Variants in CFAP299 observed in about 807,000 individuals in gnomAD.
CFAP299 encodes cilia- and flagella-associated protein 299.
A neutral mutation model predicts 27.0 loss-of-function variants in CFAP299; 21 were observed. The ratio of observed to expected loss-of-function variants is 0.78; its 90% confidence interval spans 0.55 to 1.12. The LOEUF (loss-of-function observed/expected upper bound fraction) is 1.12, where lower values mean the gene tolerates loss of function less well. Among genes scored for constraint, CFAP299 ranks in the 50% most tolerant of loss-of-function variants. The pLI is 0.00. For synonymous variants in CFAP299, 104 were observed against 98.1 expected (o/e 1.06, Z -0.36); for missense variants, 310 against 276.6 (o/e 1.12, Z -0.86).
intron 3 of CFAP299, among the ~76,000 whole-genome samples, chr4:80,799,815 A>AT (rs1215183651): frequency 5.3e-5 from 2 of 37,718 alleles, no homozygotes; most frequent in Non-Finnish European, 8.4e-5. Context: ...ATATAAATAT[A>AT]TATATTATAT....
intron 3 of CFAP299, among the ~76,000 whole-genome samples, chr4:80,792,579 T>C (rs141283984): frequency 8.5e-5 from 13 of 152,248 alleles, no homozygotes; most frequent in African/African-American, 2.6e-4. Context: ...TTATTTTTTA[T>C]AGTGGTTGTG....
At chr4:80,709,769 G>A (rs1026008249) in intron 3 of CFAP299, among the ~76,000 whole-genome samples, 5 of 152,176 alleles carry the variant, frequency 3.3e-5, no homozygotes, top group Admixed American at 1.3e-4. Flanking sequence ...ACCTGGGGAC[G>A]TTACTTCAAC....
chr4:80,384,748 A>G (rs1578380451), intron 2 of CFAP299, among the ~76,000 whole-genome samples: 1 of 152,102 alleles, frequency 6.6e-6, no homozygotes, highest in Non-Finnish European at 1.5e-5. Context: ...AACAAAGTTG[A>G]TATCAGCTCC....
chr4:80,683,535 A>G (rs1313458112), intron 3 of CFAP299, among the ~76,000 whole-genome samples: 1 of 152,200 alleles, frequency 6.6e-6, no homozygotes, highest in Non-Finnish European at 1.5e-5. Context: ...TTATGGATCC[A>G]TTGATGACAA....
At chr4:80,374,542 C>A (rs549817622) in intron 2 of CFAP299, among the ~76,000 whole-genome samples, 1 of 152,256 alleles carries the variant, frequency 6.6e-6, no homozygotes, top group South Asian at 2.1e-4. Flanking sequence ...ATTTAGAGAT[C>A]TGGAAAGGTC....
chr4:80,708,050 C>T (rs1209530619), intron 3 of CFAP299, among the ~76,000 whole-genome samples: 1 of 151,998 alleles, frequency 6.6e-6, no homozygotes, highest in African/African-American at 2.4e-5. Flanking sequence ...ATCAGAAAAT[C>T]AGGAGCCAGT....
chr4:80,324,915 G>C, the CFAP299 span, among the ~76,000 whole-genome samples: 1 of 152,176 alleles, frequency 6.6e-6, no homozygotes, highest in Admixed American at 6.5e-5. Context: ...CTGAGGTCAG[G>C]AGTTTGAGAC....
chr4:80,409,050 A>AAAAAGAGAG (rs899527410), intron 2 of CFAP299, among the ~76,000 whole-genome samples: 2,033 of 151,366 alleles, frequency 0.013, 40 homozygotes, highest in Admixed American at 0.055. Context: ...AAAAAAAAAA[A>AAAAAGAGAG]AAAGAGAGAA....
At position 80,375,018 on chromosome 4, in the gene CFAP299, ACT is replaced by A. The variant is rs368270580; in HGVS notation, c.242+12137_242+12138del. ...GGCTTCCTTGTAAGCTAGAAAAGAG[ACT>A]CTGGCAAATTCAGTGCTAGAGTGGC... On this transcript the variant is annotated intron_variant, in intron 2 of 5. Coordinates refer to ENST00000358105, the MANE Select transcript of CFAP299 (RefSeq NM_152770.3). Among the ~76,000 whole-genome samples the A allele has an allele frequency of 6.2e-3, 948 of 151,880 alleles. 2 individuals carry two copies. The highest frequency in any genetic ancestry group is 0.024 in the Middle Eastern group (7 of 292).
intron 2 of CFAP299, chr4:80,387,633 A>T: frequency 6.8e-7 from 1 of 1,467,484 alleles, no homozygotes; most frequent in Non-Finnish European, 9.5e-7. Flanking sequence ...CGTGTCCTGA[A>T]GGCCATACCT....
intron 2 of CFAP299, among the ~76,000 whole-genome samples, chr4:80,373,387 G>A (rs1172148124): frequency 6.6e-6 from 1 of 151,984 alleles, no homozygotes; most frequent in Non-Finnish European, 1.5e-5. Flanking sequence ...GGTCTCTTTG[G>A]GGGAGAAGAG....
At chr4:80,736,381 C>G (rs1325304129) in intron 3 of CFAP299, among the ~76,000 whole-genome samples, 3 of 151,688 alleles carry the variant, frequency 2.0e-5, no homozygotes, top group Non-Finnish European at 4.4e-5. Context: ...TGTCAAAGAT[C>G]AGATAGTTGT....
intron 3 of CFAP299, among the ~76,000 whole-genome samples, chr4:80,679,803 C>T (rs1394336367): frequency 6.7e-6 from 1 of 148,190 alleles, no homozygotes; most frequent in African/African-American, 2.5e-5. Context: ...TTTGCTACTT[C>T]ACTGTTGAGT....
chr4:80,354,839 A>G (rs938527475), intron 1 of CFAP299, among the ~76,000 whole-genome samples: 5 of 152,160 alleles, frequency 3.3e-5, no homozygotes, highest in African/African-American at 7.2e-5. Flanking sequence ...ATTTCCCTGC[A>G]AAGGACATGA....
chr4:80,390,451 T>A (rs1374487491), intron 2 of CFAP299, among the ~76,000 whole-genome samples: 2 of 150,462 alleles, frequency 1.3e-5, no homozygotes, highest in African/African-American at 4.9e-5. Context: ...TAGGATTTTC[T>A]TCATTTTAAA....
chr4:80,349,485 C>A (rs1178849656), intron 1 of CFAP299, among the ~76,000 whole-genome samples: 1 of 152,042 alleles, frequency 6.6e-6, no homozygotes, highest in Non-Finnish European at 1.5e-5. Flanking sequence ...ACATGCATAG[C>A]CCTGACATCA....
intron 5 of CFAP299, among the ~76,000 whole-genome samples, chr4:80,945,862 A>G (rs1168077010): frequency 1.3e-5 from 2 of 152,118 alleles, no homozygotes; most frequent in Non-Finnish European, 2.9e-5. Context: ...CACATAAAAA[A>G]TGCTAAATAG....
intron 3 of CFAP299, among the ~76,000 whole-genome samples, chr4:80,610,063 G>A (rs1737887356): frequency 6.6e-6 from 1 of 152,072 alleles, no homozygotes; most frequent in African/African-American, 2.4e-5. Context: ...TAGATTTGCA[G>A]AGAATTTGCT....
At chr4:80,686,732 C>G (rs1468695072) in intron 3 of CFAP299, among the ~76,000 whole-genome samples, 4 of 152,130 alleles carry the variant, frequency 2.6e-5, no homozygotes, top group Non-Finnish European at 4.4e-5. Flanking sequence ...GCGTAGATTT[C>G]TCTTGTGATG....
Sources: allele counts gnomAD v4.1 joint callset (sites outside exome capture counted in the v4.1 genomes callset), GRCh38; gene constraint gnomAD v4.1.1; transcripts MANE v1.5; gene names NCBI Gene and HGNC (gene_info 2026-07-23, HGNC 2026-07-21).